Variants in DDX52 observed in about 807,000 individuals in gnomAD.
DDX52 encodes the protein DExD-box helicase 52, also known as probable ATP-dependent RNA helicase DDX52.
In DDX52, 59 loss-of-function variants were observed where a neutral mutation model predicts 76.1. The ratio of observed to expected loss-of-function variants is 0.78; its 90% CI spans 0.63 to 0.96. DDX52 has a LOEUF of 0.96. Among genes scored for constraint, DDX52 ranks in the 40% least tolerant of loss-of-function variants. The probability of loss-of-function intolerance (pLI) is 0.00; values close to 1 mark genes in which losing one functional copy is unlikely to be tolerated. For missense variants in DDX52, 707 were observed against 703.9 expected (o/e 1.00, Z -0.05); for synonymous variants, 231 against 244.1 (o/e 0.95, Z 0.50).
chr17:37,636,876 T>C (rs111993978), intron 2 of DDX52, among the ~76,000 whole-genome samples: 3 of 152,316 alleles, frequency 2.0e-5, no homozygotes, highest in Non-Finnish European at 2.9e-5. Context: ...GCAGAAACAA[T>C]AGCCAACACC....
At chr17:37,620,370 A>G (rs529448671) in intron 12 of DDX52, 2 of 161,024 alleles carry the variant, frequency 1.2e-5, no homozygotes, top group East Asian at 1.9e-4. Context: ...GTTGGAATAT[A>G]CCCCTCTACA....
intron 6 of DDX52, 80 bp downstream of exon 6, chr17:37,628,481 C>T (rs2030502546): frequency 1.7e-6 from 2 of 1,191,084 alleles, no homozygotes; most frequent in African/African-American, 1.5e-5. Flanking sequence ...ACTTTAACAA[C>T]ACTTACATAG....
intron 2 of DDX52, chr17:37,635,625 C>A (rs868675735): frequency 1.1e-5 from 5 of 455,730 alleles, no homozygotes; most frequent in Middle Eastern, 3.2e-4. Context: ...ACATTTGGGT[C>A]ATTTCCAGCT....
At chr17:37,628,751 TAAATC>T in intron 5 of DDX52, 79 bp from the exon 6 acceptor site, 1 of 1,005,650 alleles carries the variant, frequency 9.9e-7, no homozygotes, top group Non-Finnish European at 1.5e-6. Flanking sequence ...ATTAATGAAA[TAAATC>T]TATTACCAAC....
chr17:37,618,455 A>G, intron 13 of DDX52, 71 bp from the exon 14 acceptor site: 1 of 1,282,154 alleles, frequency 7.8e-7, no homozygotes, highest in Non-Finnish European at 1.1e-6. Flanking sequence ...AGCTAAAATT[A>G]GTTTTGATCC....
Position 37,641,400 on chromosome 17 carries a change from C to CA in DDX52, c.286+709dup, listed in dbSNP as rs796809892. Among the ~76,000 whole-genome samples, 472 of 128,116 alleles carry CA rather than the reference C, an allele frequency of 3.7e-3. 5 individuals are homozygous for CA. In the Middle Eastern group the frequency reaches 0.048, roughly 13 times the overall value. The allele number at this position is 128,116 out of a possible 152,430, so 84.0% of individuals were successfully genotyped here. Reference sequence around the variant, plus strand: ...CTGGGCAACAAAGCGAGACTCATCTCAAAAAAAAAAAAATGCTCGACCTCA... The same window carrying CA: ...CTGGGCAACAAAGCGAGACTCATCTCAAAAAAAAAAAAAATGCTCGACCTCA... On this transcript the variant is annotated intron_variant, in intron 2 of 14. Coordinates refer to ENST00000617633, the MANE Select transcript of DDX52 (RefSeq NM_007010.5).
At chr17:37,633,655 C>CAAGAAAA (rs2030792159) in intron 2 of DDX52, among the ~76,000 whole-genome samples, 1 of 80,782 alleles carries the variant, frequency 1.2e-5, no homozygotes, top group Non-Finnish European at 2.8e-5. Flanking sequence ...AACCTTGTCT[C>CAAGAAAA]AAAAAAAAAA....
intron 14 of DDX52, among the ~76,000 whole-genome samples, chr17:37,617,141 TAC>T (rs2029872266): frequency 1.3e-5 from 2 of 152,252 alleles, no homozygotes; most frequent in Non-Finnish European, 2.9e-5. Context: ...TTCATTTGTA[TAC>T]ACTACCACCA....
Position 37,643,330 on chromosome 17 carries a change from G to A in DDX52, c.87+4C>T, listed in dbSNP as rs3813910. ...CTCGGCCCTCGGTCCCTTGGGCACA[G>A]TACCTGGAATCGAGCTGCGTCTGCC... On this transcript the variant is annotated splice_donor_region_variant and intron_variant, in intron 1 of 14. Transcript: ENST00000617633. The A allele has an allele frequency of 0.25, 396,810 of 1,612,722 alleles. 55,022 individuals carry two copies. The highest frequency in any genetic ancestry group is 0.48 in the African/African-American group (36,025 of 74,910).
At chr17:37,617,191 G>T (rs1394060813) in intron 14 of DDX52, among the ~76,000 whole-genome samples, 4 of 152,146 alleles carry the variant, frequency 2.6e-5, no homozygotes, top group Admixed American at 2.6e-4. Flanking sequence ...AATGCCTACT[G>T]GTTGATGGAA....
chr17:37,642,632 TTAAG>T (rs1568613624), intron 1 of DDX52: 1 of 297,794 alleles, frequency 3.4e-6, no homozygotes, highest in East Asian at 8.3e-5. Context: ...CATTCGGAAA[TTAAG>T]TAACTTGAGG....
chr17:37,642,019 CTTA>C, intron 2 of DDX52, 88 bp downstream of exon 2: 1 of 1,519,138 alleles, frequency 6.6e-7, no homozygotes, highest in Non-Finnish European at 9.0e-7. Flanking sequence ...GACAAATGAC[CTTA>C]TTGTCTGACT....
At chr17:37,631,071 C>A (rs887976279) in intron 4 of DDX52, 1 of 152,132 alleles carries the variant, frequency 6.6e-6, no homozygotes, top group Non-Finnish European at 1.5e-5. Flanking sequence ...TTTCATCTCT[C>A]AAAGAAAATG....
chr17:37,629,242 C>T (rs1279317218), intron 5 of DDX52, among the ~76,000 whole-genome samples: 22 of 128,396 alleles, frequency 1.7e-4, no homozygotes, highest in African/African-American at 7.3e-4. Context: ...CACACACACA[C>T]ACACACACAC....
At chr17:37,640,622 T>A in intron 2 of DDX52, among the ~76,000 whole-genome samples, 2 of 132,498 alleles carry the variant, frequency 1.5e-5, no homozygotes, top group Admixed American at 7.7e-5. Flanking sequence ...CAAAAAAAGG[T>A]AAATGACTAG....
At chr17:37,639,813 C>T (rs1391399745) in intron 2 of DDX52, among the ~76,000 whole-genome samples, 2 of 151,748 alleles carry the variant, frequency 1.3e-5, no homozygotes, top group African/African-American at 4.8e-5. Context: ...TTTGTTGCCA[C>T]AATGGTTACA....
Position 37,626,041 on chromosome 17 carries a change from C to T in DDX52, c.990G>A (p.Gly330=), listed in dbSNP as rs113192748. The change falls in exon 8 of 15, where the codon GGG becomes GGA. Residue 330 remains glycine (G), a synonymous_variant. Transcript: ENST00000617633. ...AAATGGAAGCCAGCTGGTCTCTGAA[C>T]CCAGTTTTGCCATCTTCAAACAGTT... ...SDKLFEDGKT[G]FRDQLASIFL... is the part of the protein sequence containing the mutation. 143 of 1,613,978 alleles carry T rather than the reference C, an allele frequency of 8.9e-5. No homozygotes were observed. The highest frequency in any genetic ancestry group is 1.2e-4 in the Non-Finnish European group (139 of 1,180,034).
chr17:37,627,439 G>C (rs1257325351), intron 6 of DDX52, among the ~76,000 whole-genome samples: 2 of 151,936 alleles, frequency 1.3e-5, no homozygotes, highest in African/African-American at 2.4e-5. Context: ...TAGAAACAGG[G>C]TCTCCCTATG....
chr17:37,620,116 G>A, intron 12 of DDX52: 1 of 354,868 alleles, frequency 2.8e-6, no homozygotes, highest in Non-Finnish European at 5.1e-6. Flanking sequence ...CTTGGAGGAA[G>A]CACTGACTGA....
Sources: allele counts gnomAD v4.1 joint callset (sites outside exome capture counted in the v4.1 genomes callset), GRCh38; gene constraint gnomAD v4.1.1; transcripts MANE v1.5; gene names NCBI Gene and HGNC (gene_info 2026-07-23, HGNC 2026-07-21).